Variants in TAB2 observed in about 807,000 individuals in gnomAD.
TAB2 encodes the protein TGF-beta activated kinase 1 (MAP3K7) binding protein 2, also known as TGF-beta-activated kinase 1 and MAP3K7-binding protein 2.
A neutral mutation model predicts 65.0 loss-of-function variants in TAB2; 3 were observed. That is an observed-to-expected ratio of 0.05 (90% CI 0.02 to 0.12). The LOEUF is 0.12. Ranked by LOEUF, TAB2 falls within the 10% of genes least tolerant of loss-of-function variation. The probability of loss-of-function intolerance (pLI) is 1.00; values close to 1 mark genes in which losing one functional copy is unlikely to be tolerated. For synonymous variants in TAB2, 298 were observed against 285.1 expected, an observed-to-expected ratio of 1.05 and a Z score of -0.46; for missense variants, 623 against 840.3, an observed-to-expected ratio of 0.74 and a Z score of 3.20.
chr6:149,260,350 C>T (rs1361468326), intron 1 of TAB2, among the ~76,000 whole-genome samples: 1 of 152,186 alleles, frequency 6.6e-6, no homozygotes, highest in South Asian at 2.1e-4. Flanking sequence ...CGTGCTCCAG[C>T]GCAGCCTTCT....
In TAB2 at chr6:149,400,663, C is replaced by T. The variant is rs73779334; in HGVS notation, c.1939+1479C>T. 5.3e-4 allele frequency: 855 copies of T among 1,613,976 alleles called. 4 individuals carry two copies. The African/African-American group carries it at 9.5e-3, about 18-fold the overall frequency. The stretch of plus-strand genomic sequence containing the variant: ...ACAATTGATGTGTTTCAACAGCCTA[C>T]GGGAGGTGTCTACTGAAAAGGGAAC... On this transcript the variant is annotated intron_variant, in intron 6 of 6. Coordinates refer to ENST00000637181, the MANE Select transcript of TAB2 (RefSeq NM_001292034.3).
intron 1 of TAB2, among the ~76,000 whole-genome samples, chr6:149,223,487 T>C (rs147308285): frequency 2.5e-3 from 377 of 152,368 alleles, no homozygotes; most frequent in Non-Finnish European, 4.3e-3. Context: ...TGCTATTTTG[T>C]AGAGTATGAT....
intron 2 of TAB2, among the ~76,000 whole-genome samples, chr6:149,376,326 T>G (rs956597536): frequency 2.0e-5 from 3 of 152,198 alleles, no homozygotes; most frequent in Admixed American, 6.5e-5. Flanking sequence ...CTCTCCTCAT[T>G]GCTTATAATA....
At chr6:149,395,087 A>G (rs1782121775) in intron 3 of TAB2, among the ~76,000 whole-genome samples, 1 of 152,204 alleles carries the variant, frequency 6.6e-6, no homozygotes, top group Non-Finnish European at 1.5e-5. Flanking sequence ...CCCTGGCCCC[A>G]ATCTCTGCTA....
intron 6 of TAB2, among the ~76,000 whole-genome samples, chr6:149,402,249 G>A (rs576204096): frequency 1.3e-5 from 2 of 151,882 alleles, no homozygotes; most frequent in East Asian, 3.9e-4. Context: ...GACAACAGAT[G>A]CCTCAGAAAT....
intron 1 of TAB2, among the ~76,000 whole-genome samples, chr6:149,274,514 G>A (rs112909140): frequency 6.6e-6 from 1 of 152,284 alleles, no homozygotes; most frequent in African/African-American, 2.4e-5. Flanking sequence ...TTTATGCCCT[G>A]TGATAATGGG....
At chr6:149,223,975 T>C (rs1341851785) in intron 1 of TAB2, among the ~76,000 whole-genome samples, 1 of 152,170 alleles carries the variant, frequency 6.6e-6, no homozygotes, top group Non-Finnish European at 1.5e-5. Flanking sequence ...ACCACATTGC[T>C]TGGCTCCTAG....
In TAB2 at chr6:149,387,460, T is replaced by C. The variant is rs933861755; in HGVS notation, c.1603+7942T>C. On this transcript the variant is annotated intron_variant, in intron 3 of 6. Transcript: ENST00000637181. ...TTTCTGGACTCTCAATTCTTTTCCA[T>C]TGTTCTATATGTTCTTTATGCCAAT... 3.3e-5 allele frequency among the ~76,000 whole-genome samples: 5 copies of C among 152,198 alleles called. 1 individual carries two copies. The highest frequency in any genetic ancestry group is 6.5e-5 in the Admixed American group (1 of 15,278).
intron 1 of TAB2, among the ~76,000 whole-genome samples, chr6:149,332,296 G>A (rs556920895): frequency 6.6e-6 from 1 of 152,260 alleles, no homozygotes; most frequent in East Asian, 1.9e-4. Flanking sequence ...GAGTATCAGT[G>A]GAGTTGATGT....
At chr6:149,285,116 A>C (rs1778647255) in intron 1 of TAB2, among the ~76,000 whole-genome samples, 1 of 152,216 alleles carries the variant, frequency 6.6e-6, no homozygotes, top group South Asian at 2.1e-4. Context: ...GACACTGGGC[A>C]GGTTATTTTA....
chr6:149,384,408 G>A (rs748723737), intron 3 of TAB2, among the ~76,000 whole-genome samples: 2 of 152,026 alleles, frequency 1.3e-5, no homozygotes, highest in South Asian at 2.1e-4. Flanking sequence ...GAAACATCAA[G>A]ACCCCACTCA....
At chr6:149,376,605 C>G (rs866512098) in intron 2 of TAB2, among the ~76,000 whole-genome samples, 2 of 152,162 alleles carry the variant, frequency 1.3e-5, no homozygotes, top group South Asian at 2.1e-4. Flanking sequence ...TCAGGCCATA[C>G]CTTCCTCATT....
intron 1 of TAB2, among the ~76,000 whole-genome samples, chr6:149,350,310 G>T (rs1194691208): frequency 6.6e-6 from 1 of 152,138 alleles, no homozygotes; most frequent in Non-Finnish European, 1.5e-5. Context: ...TTGACTGGGA[G>T]AAGAGGAAGT....
intron 1 of TAB2, among the ~76,000 whole-genome samples, chr6:149,337,796 G>T (rs540876774): frequency 6.6e-6 from 1 of 152,284 alleles, no homozygotes; most frequent in South Asian, 2.1e-4. Flanking sequence ...CAGAGGGTGG[G>T]AAGACTGGCA....
At chr6:149,300,363 A>T (rs1489458773) in intron 1 of TAB2, among the ~76,000 whole-genome samples, 3 of 152,228 alleles carry the variant, frequency 2.0e-5, no homozygotes, top group African/African-American at 7.2e-5. Flanking sequence ...ACAGGGTCAG[A>T]TAATTTTGGT....
intron 1 of TAB2, among the ~76,000 whole-genome samples, chr6:149,309,102 T>C (rs1226331615): frequency 6.6e-6 from 1 of 152,176 alleles, no homozygotes; most frequent in East Asian, 1.9e-4. Flanking sequence ...TTTCATCTTA[T>C]TTTTTTATTT....
intron 2 of TAB2, among the ~76,000 whole-genome samples, chr6:149,370,950 C>T (rs1156654806): frequency 6.6e-6 from 1 of 150,878 alleles, no homozygotes; most frequent in African/African-American, 2.4e-5. Flanking sequence ...CCTGTGGTCC[C>T]AGCTACTCAG....
intron 1 of TAB2, among the ~76,000 whole-genome samples, chr6:149,296,668 G>C (rs1054586470): frequency 3.3e-5 from 5 of 152,126 alleles, no homozygotes; most frequent in Non-Finnish European, 7.4e-5. Flanking sequence ...TTAGTTCAGA[G>C]GAAAGGAGAA....
At chr6:149,377,901 C>A in intron 2 of TAB2, 117 bp from the exon 3 acceptor site, 1 of 792,386 alleles carries the variant, frequency 1.3e-6, no homozygotes, top group Non-Finnish European at 2.0e-6. Context: ...TTTAAATATC[C>A]AAATATATGT....
Sources: gnomAD v4.1 joint callset for allele counts (sites outside exome capture counted in the v4.1 genomes callset) on GRCh38, gnomAD v4.1.1 for gene constraint, MANE v1.5 for transcripts, NCBI Gene and HGNC (gene_info 2026-07-23, HGNC 2026-07-21) for gene names.